The following CCDC178 variants were observed in gnomAD, a reference collection of about 807,000 sequenced individuals.
CCDC178 encodes coiled-coil domain containing 178.
In CCDC178, 126 loss-of-function variants were observed where a neutral mutation model predicts 117.4. That is an observed-to-expected ratio of 1.07 (90% CI 0.93 to 1.24). The LOEUF (loss-of-function observed/expected upper bound fraction) is 1.24, where lower values mean the gene tolerates loss of function less well. Ranked by LOEUF, CCDC178 falls within the 50% of genes most tolerant of loss-of-function variation. CCDC178 has a pLI of 0.00. For missense variants in CCDC178, 1,030 were observed against 986.9 expected (o/e 1.04, Z -0.59); for synonymous variants, 283 against 313.4 (o/e 0.90, Z 1.02).
intron 21 of CCDC178, among the ~76,000 whole-genome samples, chr18:32,985,735 C>T (rs942590664): frequency 6.6e-6 from 1 of 151,994 alleles, no homozygotes; most frequent in Non-Finnish European, 1.5e-5. Context: ...AAATGGAATA[C>T]TATTGACTCA....
intron 5 of CCDC178, among the ~76,000 whole-genome samples, chr18:33,379,175 TATATATATTTCCATATATATA>T (rs2063406289): frequency 3.6e-5 from 5 of 139,316 alleles, no homozygotes; most frequent in Middle Eastern, 3.4e-3. Flanking sequence ...ATATATATAA[TATATATATTTCCATATATATA>T]ATATATATAT....
intron 20 of CCDC178, among the ~76,000 whole-genome samples, chr18:33,099,124 T>A (rs932416563): frequency 1.3e-4 from 20 of 152,068 alleles, no homozygotes; most frequent in Admixed American, 1.0e-3. Context: ...GGCTTGTGAA[T>A]TAAACTCTCA....
intron 21 of CCDC178, among the ~76,000 whole-genome samples, chr18:33,020,877 T>C (rs2056103238): frequency 6.6e-6 from 1 of 152,208 alleles, no homozygotes; most frequent in South Asian, 2.1e-4. Context: ...CTACTATTAT[T>C]TGAAAATGAC....
chr18:33,327,481 T>C (rs2062600682), intron 10 of CCDC178, among the ~76,000 whole-genome samples: 1 of 152,208 alleles, frequency 6.6e-6, no homozygotes, highest in Admixed American at 6.5e-5. Flanking sequence ...GGGAGTACAA[T>C]TGCTGAAGAA....
chr18:33,438,963 G>A (rs918439996), intron 2 of CCDC178, among the ~76,000 whole-genome samples: 8 of 152,136 alleles, frequency 5.3e-5, no homozygotes, highest in African/African-American at 1.9e-4. Flanking sequence ...CTCCTGTTTT[G>A]TGTGTAATTG....
At chr18:33,254,378 A>G (rs1484685575) in intron 14 of CCDC178, among the ~76,000 whole-genome samples, 4 of 151,826 alleles carry the variant, frequency 2.6e-5, no homozygotes, top group Non-Finnish European at 5.9e-5. Flanking sequence ...GTAACTGTAC[A>G]TAGTGTGGAA....
At chr18:33,035,054 G>T (rs1299117331) in intron 21 of CCDC178, among the ~76,000 whole-genome samples, 1 of 151,930 alleles carries the variant, frequency 6.6e-6, no homozygotes, top group Admixed American at 6.6e-5. Flanking sequence ...TCAGCTGTTT[G>T]GGAGTGTATG....
chr18:32,974,685 A>G lies in CCDC178; in HGVS notation c.2389-4T>C. ...TCCTTCTCTGCAGCTGACAGAGCTA[A>G]AGGGAAGAGGGAGGGGAGAAAACAC... On this transcript the variant is annotated splice_polypyrimidine_tract_variant and splice_region_variant and intron_variant, in intron 21 of 22. Transcript: ENST00000383096. 1.9e-6 allele frequency: 3 copies of G among 1,612,218 alleles called. No homozygotes were observed. The highest frequency in any genetic ancestry group is 2.5e-6 in the Non-Finnish European group (3 of 1,179,644).
intron 21 of CCDC178, among the ~76,000 whole-genome samples, chr18:33,066,003 A>G (rs1220439903): frequency 6.6e-6 from 1 of 151,630 alleles, no homozygotes; most frequent in Non-Finnish European, 1.5e-5. Context: ...CTGGGACTAC[A>G]GGCGCCTGCC....
chr18:33,422,523 A>G (rs2064040831), intron 2 of CCDC178, among the ~76,000 whole-genome samples: 2 of 152,186 alleles, frequency 1.3e-5, no homozygotes, highest in Admixed American at 6.5e-5. Context: ...AAAATATCCT[A>G]AATCTGTACG....
intron 20 of CCDC178, among the ~76,000 whole-genome samples, chr18:33,146,752 C>T (rs2058272804): frequency 6.6e-6 from 1 of 151,994 alleles, no homozygotes. Flanking sequence ...GGATAGCTCT[C>T]CTTAAATATA....
chr18:32,953,523 T>C (rs2054533710), intron 22 of CCDC178, among the ~76,000 whole-genome samples: 1 of 152,192 alleles, frequency 6.6e-6, no homozygotes, highest in South Asian at 2.1e-4. Flanking sequence ...TTCCTTACCA[T>C]TGGTGAACTG....
At chr18:33,140,409 A>G (rs271496) in intron 20 of CCDC178, among the ~76,000 whole-genome samples, 24,484 of 152,080 alleles carry the variant, frequency 0.16, 2,757 homozygotes, top group African/African-American at 0.32. Context: ...TTGGGAGGGA[A>G]GTTGTACCCT....
At chr18:32,983,578 G>C (rs1481688297) in intron 21 of CCDC178, among the ~76,000 whole-genome samples, 2 of 151,988 alleles carry the variant, frequency 1.3e-5, no homozygotes, top group Non-Finnish European at 2.9e-5. Context: ...TACGATAAAG[G>C]CCATCTGGAA....
At chr18:33,438,342 C>G (rs2064321242) in intron 2 of CCDC178, among the ~76,000 whole-genome samples, 1 of 152,150 alleles carries the variant, frequency 6.6e-6, no homozygotes, top group African/African-American at 2.4e-5. Context: ...TCCCCACTCC[C>G]CTGTCTGCAT....
chr18:33,110,579 T>C (rs539556013), intron 20 of CCDC178, among the ~76,000 whole-genome samples: 8 of 151,700 alleles, frequency 5.3e-5, no homozygotes, highest in East Asian at 1.9e-4. Flanking sequence ...CATTGTGAAA[T>C]AGAAAGTCAA....
chr18:33,066,227 C>G (rs2057014187), intron 21 of CCDC178, among the ~76,000 whole-genome samples: 1 of 152,012 alleles, frequency 6.6e-6, no homozygotes, highest in Non-Finnish European at 1.5e-5. Context: ...ATGAATTCAC[C>G]ACTAGACCAG....
At chr18:33,232,685 C>T (rs565896872) in intron 15 of CCDC178, among the ~76,000 whole-genome samples, 33 of 152,084 alleles carry the variant, frequency 2.2e-4, no homozygotes, top group South Asian at 6.2e-4. Flanking sequence ...TCTTTTTGTA[C>T]GAAAGTATAT....
At chr18:32,983,357 G>A in intron 21 of CCDC178, 17 of 1,501,920 alleles carry the variant, frequency 1.1e-5, no homozygotes, top group Non-Finnish European at 1.4e-5. Context: ...TGCAACCTAA[G>A]AATAGAAATA....
Sources: allele counts gnomAD v4.1 joint callset (sites outside exome capture counted in the v4.1 genomes callset), GRCh38; gene constraint gnomAD v4.1.1; transcripts MANE v1.5; gene names NCBI Gene and HGNC (gene_info 2026-07-23, HGNC 2026-07-21).